The following CLVS1 variants were observed in gnomAD, a reference collection of about 807,000 sequenced individuals.
CLVS1 encodes clavesin 1, also known as clavesin-1.
In CLVS1, 10 loss-of-function variants were observed where a neutral mutation model predicts 33.1. The observed-to-expected ratio is 0.30, with a 90% CI of 0.19 to 0.51. The LOEUF (loss-of-function observed/expected upper bound fraction) is 0.51, where lower values mean the gene tolerates loss of function less well. Ranked by LOEUF, CLVS1 falls within the 20% of genes least tolerant of loss-of-function variation. The pLI is 0.97. For missense variants in CLVS1, 343 were observed against 433.4 expected (o/e 0.79, Z 1.85); for synonymous variants, 163 against 166.1 (o/e 0.98, Z 0.14).
intron 2 of CLVS1, among the ~76,000 whole-genome samples, chr8:61,152,251 T>G (rs1447690122): frequency 6.6e-6 from 1 of 152,212 alleles, no homozygotes; most frequent in Non-Finnish European, 1.5e-5. Context: ...TGTCTTCACA[T>G]GGCAGAGGGA....
chr8:61,198,182 A>T (rs1807655616), intron 2 of CLVS1, among the ~76,000 whole-genome samples: 1 of 152,150 alleles, frequency 6.6e-6, no homozygotes, highest in South Asian at 2.1e-4. Flanking sequence ...GTTTCTTGAG[A>T]GGTATTATAT....
intron 5 of CLVS1, among the ~76,000 whole-genome samples, chr8:61,470,889 A>G (rs868526684): frequency 5.9e-5 from 9 of 152,194 alleles, no homozygotes; most frequent in South Asian, 2.1e-4. Context: ...CGGAGCTTCG[A>G]GCATTTCATT....
intron 2 of CLVS1, among the ~76,000 whole-genome samples, chr8:61,339,944 G>A (rs144466001): frequency 0.01 from 1,558 of 150,276 alleles, 13 homozygotes; most frequent in Non-Finnish European, 0.016. Context: ...AAAAGAAAGA[G>A]AGGGGTAAAG....
chr8:61,193,571 TAAC>T (rs901136650), intron 2 of CLVS1, among the ~76,000 whole-genome samples: 60 of 152,028 alleles, frequency 3.9e-4, no homozygotes, highest in African/African-American at 1.4e-3. Context: ...ACAGTAGTCT[TAAC>T]AACAAAAGTC....
intron 2 of CLVS1, among the ~76,000 whole-genome samples, chr8:61,173,717 T>C (rs1175786474): frequency 6.6e-6 from 1 of 152,146 alleles, no homozygotes; most frequent in African/African-American, 2.4e-5. Context: ...ACTCAGGTGA[T>C]TGGAGTTTGC....
intron 5 of CLVS1, among the ~76,000 whole-genome samples, chr8:61,476,217 A>T (rs1345544727): frequency 1.3e-5 from 2 of 152,130 alleles, no homozygotes; most frequent in Admixed American, 6.5e-5. Flanking sequence ...GCATAGTTTG[A>T]AGTCAGGTAG....
intron 3 of CLVS1, among the ~76,000 whole-genome samples, chr8:61,452,988 C>T (rs981672966): frequency 1.2e-4 from 19 of 152,100 alleles, no homozygotes; most frequent in African/African-American, 4.6e-4. Flanking sequence ...CTAAAAACGA[C>T]CCGGGTGAGG....
chr8:61,254,647 C>T (rs1809034186), intron 2 of CLVS1, among the ~76,000 whole-genome samples: 1 of 152,274 alleles, frequency 6.6e-6, no homozygotes, highest in South Asian at 2.1e-4. Flanking sequence ...GCCTCACTGC[C>T]ACCTTGCAGT....
At chr8:61,257,601 G>A (rs945898425) in intron 2 of CLVS1, among the ~76,000 whole-genome samples, 3 of 152,112 alleles carry the variant, frequency 2.0e-5, no homozygotes, top group Admixed American at 6.5e-5. Flanking sequence ...CTGTAACCAC[G>A]TTACAGTGGG....
chr8:61,102,707 G>A (rs945638104), intron 1 of CLVS1, among the ~76,000 whole-genome samples: 1 of 152,180 alleles, frequency 6.6e-6, no homozygotes, highest in African/African-American at 2.4e-5. Context: ...CTATCATGGG[G>A]CTGAGGTATC....
chr8:61,267,435 A>T (rs1422041439), intron 2 of CLVS1, among the ~76,000 whole-genome samples: 1 of 152,216 alleles, frequency 6.6e-6, no homozygotes, highest in African/African-American at 2.4e-5. Flanking sequence ...TCTCCAATAC[A>T]TACACACATC....
rs1806729013 is a variant in CLVS1, at chr8:61,160,381, T to TAAACA, written c.-152+28533_-152+28537dup. Among the ~76,000 whole-genome samples the TAAACA allele has an allele frequency of 7.2e-5, 11 of 152,190 alleles. No individual in the cohort carries two copies. In the South Asian group the frequency reaches 1.7e-3, roughly 23 times the overall value. On this transcript the variant is annotated intron_variant, in intron 2 of 2. Coordinates refer to the CLVS1 transcript ENST00000522621. The stretch of plus-strand genomic sequence containing the variant: ...ACTATGTGAAGGAATCTATATTTAG[T>TAAACA]AAACAAAACAAAACAAGCATCCTCC...
At chr8:61,309,936 C>T (rs1585783925) in intron 2 of CLVS1, among the ~76,000 whole-genome samples, 1 of 152,252 alleles carries the variant, frequency 6.6e-6, no homozygotes, top group South Asian at 2.1e-4. Flanking sequence ...TTACAAGTAG[C>T]GGGAGGTCTG....
chr8:61,126,996 G>A (rs1036382243), intron 1 of CLVS1, among the ~76,000 whole-genome samples: 2 of 152,122 alleles, frequency 1.3e-5, no homozygotes, highest in Non-Finnish European at 2.9e-5. Flanking sequence ...TTACCTTCCT[G>A]CAGTGTGAGA....
At chr8:61,090,277 A>G (rs1337277081) in intron 1 of CLVS1, among the ~76,000 whole-genome samples, 1 of 152,222 alleles carries the variant, frequency 6.6e-6, no homozygotes, top group Non-Finnish European at 1.5e-5. Flanking sequence ...ACAGTGCTTT[A>G]TAACACAGTC....
At chr8:61,203,726 T>G (rs1056577375) in intron 2 of CLVS1, among the ~76,000 whole-genome samples, 4 of 152,186 alleles carry the variant, frequency 2.6e-5, no homozygotes, top group Non-Finnish European at 4.4e-5. Flanking sequence ...CCCACTCAAC[T>G]TCCAATTGAT....
intron 5 of CLVS1, among the ~76,000 whole-genome samples, chr8:61,498,240 C>T (rs777413208): frequency 6.6e-6 from 1 of 152,124 alleles, no homozygotes; most frequent in Non-Finnish European, 1.5e-5. Context: ...CAAAACCAAG[C>T]ATGCACTATA....
At chr8:61,089,567 G>A (rs939700731) in intron 1 of CLVS1, among the ~76,000 whole-genome samples, 1 of 152,168 alleles carries the variant, frequency 6.6e-6, no homozygotes, top group African/African-American at 2.4e-5. Flanking sequence ...TGCCAGCAAC[G>A]AGAACTCTAA....
upstream of CLVS1, among the ~76,000 whole-genome samples, chr8:61,284,339 G>A (rs1244183331): frequency 6.6e-6 from 1 of 152,144 alleles, no homozygotes; most frequent in Non-Finnish European, 1.5e-5. Flanking sequence ...GTAATGTACT[G>A]TATATTTCAA....
Sources: gnomAD v4.1 joint callset for allele counts (sites outside exome capture counted in the v4.1 genomes callset) on GRCh38, gnomAD v4.1.1 for gene constraint, MANE v1.5 for transcripts, NCBI Gene and HGNC (gene_info 2026-07-23, HGNC 2026-07-21) for gene names.